The following REXO5 variants were observed in gnomAD, a reference collection of about 807,000 sequenced individuals.
REXO5 encodes exonuclease NEF-sp.
REXO5 carries 48 observed loss-of-function variants against 88.5 expected under a neutral mutation model. The observed-to-expected ratio is 0.54, with a 90% CI of 0.43 to 0.69. REXO5 has a LOEUF of 0.69. REXO5 is among the 30% of genes least tolerant of loss of function. REXO5 has a pLI of 0.00. For synonymous variants in REXO5, 311 were observed against 336.5 expected, an observed-to-expected ratio of 0.92 and a Z score of 0.83; for missense variants, 749 against 912.2, an observed-to-expected ratio of 0.82 and a Z score of 2.30.
At chr16:20,825,508 T>C (rs1203838200) in intron 7 of REXO5, 1 of 196,762 alleles carries the variant, frequency 5.1e-6, no homozygotes, top group East Asian at 1.2e-4. Flanking sequence ...GATAATAGAA[T>C]GGGCTTCATA....
At chr16:20,806,526 T>G (rs539807961), upstream of REXO5, 87 of 1,534,222 alleles carry the variant, frequency 5.7e-5, no homozygotes, top group Non-Finnish European at 7.2e-5. Flanking sequence ...GAGGGGCGGT[T>G]GTTGTTGGCA....
intron 5 of REXO5, among the ~76,000 whole-genome samples, chr16:20,818,334 C>A (rs569382057): frequency 1.3e-5 from 2 of 152,234 alleles, no homozygotes; most frequent in South Asian, 4.2e-4. Flanking sequence ...CAAAACAGTG[C>A]CGGCTACATA....
Position 20,819,762 on chromosome 16 carries a change from A to AC in REXO5, c.476-2000_476-1999insC, listed in dbSNP as rs1005881744. Among the ~76,000 whole-genome samples, 212 of 151,666 alleles carry AC rather than the reference A, an allele frequency of 1.4e-3. 1 individual carries two copies. The highest frequency in any genetic ancestry group is 2.2e-3 in the Non-Finnish European group (152 of 67,830). ...AAGAGCGAAACTCCGTCTCCAAAAA[A>AC]AAAAAAAAATTTAGAGTCAGGATCT... is the stretch of plus-strand genomic sequence containing the variant. On this transcript the variant is annotated intron_variant, in intron 5 of 19. Transcript: ENST00000261377.
chr16:20,815,591 A>C (rs897859233), intron 4 of REXO5, among the ~76,000 whole-genome samples: 1 of 152,104 alleles, frequency 6.6e-6, no homozygotes, highest in Non-Finnish European at 1.5e-5. Context: ...CAGGCTCTCT[A>C]TTAACCACGG....
At chr16:20,817,736 C>T (rs1484243023) in intron 5 of REXO5, among the ~76,000 whole-genome samples, 1 of 152,208 alleles carries the variant, frequency 6.6e-6, no homozygotes, top group Non-Finnish European at 1.5e-5. Flanking sequence ...GTCCCTCGCA[C>T]TCTGATCTTC....
chr16:20,844,852 C>T lies in REXO5; in HGVS notation c.1936+7C>T. The stretch of plus-strand genomic sequence containing the variant: ...AAAAAATACTGTTTCCTGAGTAAGT[C>T]TATGCTACTGAATGTAGCTTTGGGG... On this transcript the variant is annotated splice_region_variant and intron_variant, in intron 17 of 19. Coordinates refer to ENST00000261377, the MANE Select transcript of REXO5 (RefSeq NM_030941.3). The T allele has an allele frequency of 6.2e-7, 1 of 1,610,064 alleles. No homozygotes were observed. The highest frequency in any genetic ancestry group is 8.5e-7 in the Non-Finnish European group (1 of 1,177,074).
chr16:20,830,668 A>C (rs2081328127), intron 11 of REXO5, among the ~76,000 whole-genome samples: 2 of 152,196 alleles, frequency 1.3e-5, no homozygotes, highest in Non-Finnish European at 2.9e-5. Flanking sequence ...ACATGTATAG[A>C]AAATGGAGAA....
intron 2 of REXO5, among the ~76,000 whole-genome samples, chr16:20,810,873 T>G (rs1198917585): frequency 6.6e-6 from 1 of 152,280 alleles, no homozygotes; most frequent in African/African-American, 2.4e-5. Flanking sequence ...TCTTCCTTTG[T>G]GAGCACCCTC....
intron 16 of REXO5, 48 bp downstream of exon 16, chr16:20,844,074 A>C: frequency 8.8e-7 from 1 of 1,142,414 alleles, no homozygotes; most frequent in Non-Finnish European, 1.3e-6. Context: ...GGCCTACCAC[A>C]GCCTGTATTT....
At chr16:20,807,403 C>A (rs991885039) in intron 2 of REXO5, 8 of 306,140 alleles carry the variant, frequency 2.6e-5, no homozygotes, top group Non-Finnish European at 5.0e-5. Flanking sequence ...ATGGAGAAAT[C>A]CCCGTCTCTA....
chr16:20,813,340 G>GTTTTTTTT (rs1555490620), intron 3 of REXO5, 38 bp downstream of exon 3: 1 of 977,328 alleles, frequency 1.0e-6, no homozygotes. Context: ...TTGACCAGCG[G>GTTTTTTTT]TTTCTTTTTT....
At chr16:20,821,719 T>C in intron 5 of REXO5, 43 bp from the exon 6 acceptor site, 1 of 1,518,040 alleles carries the variant, frequency 6.6e-7, no homozygotes, top group Non-Finnish European at 8.8e-7. Context: ...TCTAGGGTTC[T>C]TAAACACACA....
At chr16:20,824,993 G>A (rs2081239421) in intron 7 of REXO5, among the ~76,000 whole-genome samples, 3 of 151,916 alleles carry the variant, frequency 2.0e-5, no homozygotes, top group Admixed American at 2.0e-4. Context: ...TGGCGACAGA[G>A]TGAGACTCGA....
chr16:20,846,442 T>TA, intron 19 of REXO5, 103 bp downstream of exon 19: 1 of 748,496 alleles, frequency 1.3e-6, no homozygotes. Context: ...AGTGAGGACT[T>TA]ACATGAATCA....
intron 17 of REXO5, 40 bp downstream of exon 17, chr16:20,844,885 C>T: frequency 6.3e-7 from 1 of 1,584,854 alleles, no homozygotes; most frequent in Non-Finnish European, 8.7e-7. Context: ...GGGAAGGAAA[C>T]TGGGGATGGT....
chr16:20,846,132 C>T (rs1335841616), intron 18 of REXO5, 89 bp from the exon 19 acceptor site: 6 of 1,012,650 alleles, frequency 5.9e-6, no homozygotes, highest in South Asian at 1.3e-5. Flanking sequence ...AATCCCATAG[C>T]CTTAGAGGCA....
chr16:20,809,387 C>T (rs754370646), intron 2 of REXO5, among the ~76,000 whole-genome samples: 7 of 152,170 alleles, frequency 4.6e-5, no homozygotes, highest in South Asian at 2.1e-4. Flanking sequence ...GTTTGAATAA[C>T]GCTTTTTAGC....
At chr16:20,840,769 A>G (rs1420855770) in intron 15 of REXO5, among the ~76,000 whole-genome samples, 2 of 152,034 alleles carry the variant, frequency 1.3e-5, no homozygotes, top group African/African-American at 4.8e-5. Flanking sequence ...GGAGTTCAAG[A>G]CCAGCCTGGG....
At chr16:20,830,150 G>A (rs539149866) in intron 11 of REXO5, among the ~76,000 whole-genome samples, 1 of 152,148 alleles carries the variant, frequency 6.6e-6, no homozygotes, top group Admixed American at 6.5e-5. Flanking sequence ...CACTTAGTGG[G>A]TGTTAACCCA....
Sources: gnomAD v4.1 joint callset for allele counts (sites outside exome capture counted in the v4.1 genomes callset) on GRCh38, gnomAD v4.1.1 for gene constraint, MANE v1.5 for transcripts, NCBI Gene and HGNC (gene_info 2026-07-23, HGNC 2026-07-21) for gene names.